Variants in PCDHGB2 observed in about 807,000 individuals in gnomAD.
PCDHGB2 encodes the protein protocadherin gamma-B2.
PCDHGB2 carries 55 observed loss-of-function variants against 59.3 expected under a neutral mutation model. That is an observed-to-expected ratio of 0.93 (90% CI 0.75 to 1.16). The LOEUF is 1.16. Among genes scored for constraint, PCDHGB2 ranks in the 50% most tolerant of loss-of-function variants. The pLI is 0.00. For missense variants in PCDHGB2, 1,228 were observed against 1,198.5 expected (o/e 1.02, Z -0.36); for synonymous variants, 516 against 512.0 (o/e 1.01, Z -0.11).
intron 1 of PCDHGB2, chr5:141,416,389 T>A (rs2096020280): frequency 6.6e-6 from 1 of 152,236 alleles, no homozygotes; most frequent in Non-Finnish European, 1.5e-5. Context: ...TATTTGGGAT[T>A]CTGCTTTTGT....
At chr5:141,415,129 G>C in intron 1 of PCDHGB2, 1 of 1,613,656 alleles carries the variant, frequency 6.2e-7, no homozygotes, top group African/African-American at 1.3e-5. Flanking sequence ...GGCCGTCCAG[G>C]ACCACGGCCA....
chr5:141,414,710 A>C (rs1253697066), intron 1 of PCDHGB2: 4 of 1,613,836 alleles, frequency 2.5e-6, no homozygotes, highest in African/African-American at 1.3e-5. Flanking sequence ...ATATCCATCA[A>C]CTCAGACACT....
chr5:141,374,154 G>A (rs376984494), intron 1 of PCDHGB2: 19 of 1,611,790 alleles, frequency 1.2e-5, no homozygotes, highest in East Asian at 2.2e-5. Flanking sequence ...GGGACGCTGT[G>A]GGGGGCCGCG....
chr5:141,374,633 A>G, intron 1 of PCDHGB2: 1 of 1,613,130 alleles, frequency 6.2e-7, no homozygotes, highest in South Asian at 1.1e-5. Flanking sequence ...GGACGTGCAA[A>G]GCGAAGCCCA....
rs189405542 is a variant in PCDHGB2, at chr5:141,370,398, G to A, written c.2421+7842G>A. On this transcript the variant is annotated intron_variant, in intron 1 of 3. Transcript: ENST00000522605. ...AGGCAAAGGCGCAGAGAGCGGGATG[G>A]GAAATAGCTCCGGATGGAGGGGCCC... 5 of 1,550,336 alleles carry A rather than the reference G, an allele frequency of 3.2e-6. No individual in the cohort carries two copies. In the Admixed American group the frequency reaches 1.0e-4, roughly 32 times the overall value.
Position 141,360,493 on chromosome 5 carries a change from G to C in PCDHGB2, c.358G>C (p.Ala120Pro). 1 of 1,613,892 alleles carries C rather than the reference G, an allele frequency of 6.2e-7. No homozygotes were observed. Among genetic ancestry groups the C allele is most frequent in the Non-Finnish European group, 8.5e-7 (1 of 1,179,880 alleles). The change falls in exon 1 of 4, where the codon GCA (alanine) becomes CCA (proline). Residue 120 changes from alanine (A) to proline (P), a missense_variant. Ala to Pro is a conservative substitution (Grantham distance 27). Transcript: ENST00000522605. Reference protein sequence around the residue: ...AENPLNIFYIAVIVQDINDNT... With the variant: ...AENPLNIFYIPVIVQDINDNT... Reference sequence around the variant, plus strand: ...AAATCCACTAAATATTTTCTACATAGCAGTAATTGTGCAGGATATAAATGA... The same window carrying C: ...AAATCCACTAAATATTTTCTACATACCAGTAATTGTGCAGGATATAAATGA...
intron 1 of PCDHGB2, chr5:141,398,475 T>C (rs1201280028): frequency 2.0e-5 from 32 of 1,607,296 alleles, no homozygotes; most frequent in Admixed American, 1.7e-4. Flanking sequence ...CACTGAACTT[T>C]TATCACGTGA....
intron 1 of PCDHGB2, chr5:141,428,232 G>C (rs546567556): frequency 9.3e-7 from 1 of 1,071,494 alleles, no homozygotes; most frequent in African/African-American, 1.5e-5. Context: ...CAGACAGCCT[G>C]CAGGAGGCAC....
intron 1 of PCDHGB2, among the ~76,000 whole-genome samples, chr5:141,425,841 C>T (rs936781561): frequency 2.0e-5 from 3 of 152,190 alleles, no homozygotes; most frequent in African/African-American, 7.2e-5. Context: ...ATTCTCTTTG[C>T]TGGGTTAATG....
chr5:141,507,525 A>T (rs1053801558), intron 3 of PCDHGB2, among the ~76,000 whole-genome samples: 1 of 152,000 alleles, frequency 6.6e-6, no homozygotes, highest in Non-Finnish European at 1.5e-5. Context: ...ATGATTCCAG[A>T]GAGGCCAGAG....
intron 1 of PCDHGB2, among the ~76,000 whole-genome samples, chr5:141,444,152 ATTTTTTTTTTTTTTT>A (rs747671382): frequency 3.8e-4 from 13 of 33,894 alleles, no homozygotes; most frequent in East Asian, 1.0e-3. Context: ...TGTGTACTGG[ATTTTTTTTTTTTTTT>A]TTTTTTTTTT....
chr5:141,394,613 G>A (rs1402834373), intron 1 of PCDHGB2: 1 of 1,613,570 alleles, frequency 6.2e-7, no homozygotes, highest in Admixed American at 1.7e-5. Context: ...ACTCGGGCCA[G>A]AACGCCTGGC....
At chr5:141,403,804 T>G (rs2094456767) in intron 1 of PCDHGB2, 1 of 1,613,764 alleles carries the variant, frequency 6.2e-7, no homozygotes, top group Non-Finnish European at 8.5e-7. Context: ...TCTGGAAAAT[T>G]AATGAAAAAC....
intron 1 of PCDHGB2, chr5:141,372,659 T>A: frequency 6.2e-7 from 1 of 1,614,058 alleles, no homozygotes; most frequent in Non-Finnish European, 8.5e-7. Context: ...ACAATCCGTG[T>A]GCTGCCTCAC....
intron 1 of PCDHGB2, chr5:141,392,382 T>A (rs1463242705): frequency 6.5e-6 from 1 of 154,612 alleles, no homozygotes; most frequent in Non-Finnish European, 1.4e-5. Context: ...TCTGATCTAA[T>A]CTGATCATTT....
intron 1 of PCDHGB2, chr5:141,399,976 C>A (rs759278103): frequency 1.2e-6 from 2 of 1,612,122 alleles, no homozygotes; most frequent in African/African-American, 2.7e-5. Context: ...CAGCCTGGGG[C>A]TGCGCACAGG....
chr5:141,469,731 C>T (rs1332201791), intron 1 of PCDHGB2, among the ~76,000 whole-genome samples: 1 of 152,214 alleles, frequency 6.6e-6, no homozygotes, highest in Non-Finnish European at 1.5e-5. Context: ...ATCATAAATA[C>T]ACACCTCAAA....
chr5:141,392,366 G>C (rs956315393), intron 1 of PCDHGB2: 4 of 152,962 alleles, frequency 2.6e-5, no homozygotes, highest in East Asian at 1.9e-4. Context: ...GCTACAATCT[G>C]ATCATTCTGA....
chr5:141,460,275 A>G (rs2154566824), intron 1 of PCDHGB2, among the ~76,000 whole-genome samples: 1 of 152,098 alleles, frequency 6.6e-6, no homozygotes, highest in East Asian at 1.9e-4. Context: ...TTTTTCTTTT[A>G]TAGTTTGTAT....
Sources: allele counts gnomAD v4.1 joint callset (sites outside exome capture counted in the v4.1 genomes callset), GRCh38; gene constraint gnomAD v4.1.1; transcripts MANE v1.5; gene names NCBI Gene and HGNC (gene_info 2026-07-23, HGNC 2026-07-21).